SDK2: variants seen among roughly 807,000 people sequenced by gnomAD.
SDK2 encodes the protein protein sidekick-2.
A neutral mutation model predicts 253.9 loss-of-function variants in SDK2; 105 were observed. The ratio of observed to expected loss-of-function variants is 0.41; its 90% CI spans 0.35 to 0.49. The LOEUF is 0.49. SDK2 is among the 20% of genes least tolerant of loss of function. The pLI is 0.06. For synonymous variants in SDK2, 1,249 were observed against 1,234.9 expected, an observed-to-expected ratio of 1.01 and a Z score of -0.24; for missense variants, 2,608 against 3,003.0, an observed-to-expected ratio of 0.87 and a Z score of 3.07.
In SDK2 at chr17:73,612,600, C is replaced by T. The variant is rs1299714154; in HGVS notation, c.64+31425G>A. Among the ~76,000 whole-genome samples the T allele has an allele frequency of 6.6e-6, 1 of 151,998 alleles. No individual in the cohort carries two copies. Among genetic ancestry groups the T allele is most frequent in the East Asian group, 1.9e-4 (1 of 5,184 alleles). On this transcript the variant is annotated intron_variant, in intron 1 of 44. Transcript: ENST00000392650. This position sits in a 1 kb window ranked among gnomAD's most constrained non-coding sequence, Gnocchi z 4.4. ...TTGGGGGCGGTGGCAAAATGAGAAG[C>T]CCAGAGAGCCAAATAATAATAATAA...
At position 73,361,552 on chromosome 17, in the gene SDK2, C is replaced by T. The variant is rs2062640320; in HGVS notation, c.5467+132G>A. ...AGCGGGGGGAGGGGTCACTGGGCACCAGGGGAAAGAGTGAGCTCTGTCCTC... is the reference window on the plus strand; with the variant it reads ...AGCGGGGGGAGGGGTCACTGGGCACTAGGGGAAAGAGTGAGCTCTGTCCTC... On this transcript the variant is annotated intron_variant, in intron 39 of 44. Transcript: ENST00000392650. This position sits in a 1 kb window ranked among gnomAD's most constrained non-coding sequence, Gnocchi z 4.1. 1.2e-6 allele frequency: 1 copy of T among 868,688 alleles called. No homozygotes were observed. Among genetic ancestry groups the T allele is most frequent in the Non-Finnish European group, 1.7e-6 (1 of 579,524 alleles). The allele number at this position is 868,688 out of a possible 1,614,324, so 53.8% of individuals were successfully genotyped here.
At chr17:73,351,253 G>T (rs1420238744) in intron 41 of SDK2, among the ~76,000 whole-genome samples, 2 of 152,016 alleles carry the variant, frequency 1.3e-5, no homozygotes, top group Non-Finnish European at 2.9e-5. Context: ...GGGATTACAG[G>T]TACCTGCCAC....
At chr17:73,523,695 C>A (rs935070476) in intron 1 of SDK2, among the ~76,000 whole-genome samples, 2 of 152,078 alleles carry the variant, frequency 1.3e-5, no homozygotes, top group Non-Finnish European at 2.9e-5. Context: ...AACTGCGCGA[C>A]AAGAAATTTC....
chr17:73,446,335 T>C (rs2063452910), intron 5 of SDK2, among the ~76,000 whole-genome samples: 1 of 152,136 alleles, frequency 6.6e-6, no homozygotes, highest in South Asian at 2.1e-4. Flanking sequence ...AGACCCTGAC[T>C]CGATGTCAGA....
chr17:73,350,455 T>C (rs2062527152), intron 42 of SDK2, 80 bp from the exon 43 acceptor site: 1 of 1,526,030 alleles, frequency 6.6e-7, no homozygotes, highest in Non-Finnish European at 8.8e-7. Context: ...GGCTGGGTTA[T>C]CCCCTCTTTC....
At chr17:73,575,066 GC>G (rs1404563787) in intron 1 of SDK2, among the ~76,000 whole-genome samples, 1 of 152,206 alleles carries the variant, frequency 6.6e-6, no homozygotes, top group Non-Finnish European at 1.5e-5. Context: ...TTAGTGGGAG[GC>G]TGGGCTCTGC....
In SDK2 at chr17:73,447,776, C is replaced by G. The variant is rs2063464142; in HGVS notation, c.480-28G>C. On this transcript the variant is annotated intron_variant, in intron 4 of 44. Coordinates refer to ENST00000392650, the MANE Select transcript of SDK2 (RefSeq NM_001144952.2). This position sits in a 1 kb window ranked among gnomAD's most constrained non-coding sequence, Gnocchi z 4.0. ...GGGAAGAGGAAAAGGATTCCTCTGA[C>G]AGGGGCCTAAGGGGCTCTGAACCTC... 1 of 1,551,496 alleles carries G rather than the reference C, an allele frequency of 6.4e-7. No homozygotes were observed. The highest frequency in any genetic ancestry group is 8.7e-7 in the Non-Finnish European group (1 of 1,146,892).
intron 2 of SDK2, among the ~76,000 whole-genome samples, chr17:73,479,223 C>T (rs895210442): frequency 8.5e-5 from 13 of 152,270 alleles, no homozygotes; most frequent in African/African-American, 3.1e-4. Context: ...GAGGCCAACA[C>T]AGGTTCCAGG....
chr17:73,510,109 C>T (rs904972789), intron 1 of SDK2, among the ~76,000 whole-genome samples: 2 of 151,794 alleles, frequency 1.3e-5, no homozygotes, highest in African/African-American at 2.4e-5. Flanking sequence ...GCCCAGGACC[C>T]AGGTCTATCC....
At chr17:73,500,501 A>C in intron 2 of SDK2, among the ~76,000 whole-genome samples, 1 of 128,480 alleles carries the variant, frequency 7.8e-6, no homozygotes, top group African/African-American at 3.1e-5. Flanking sequence ...TCCTTTGTCC[A>C]TCTTCCTTCT....
chr17:73,350,807 C>A lies in SDK2; in HGVS notation c.5759-17G>T. ...CTTTCTGGGCTGGAGCACAGATAGT[C>A]AGGTATATAGGGTGCTCAGCCCCCT... On this transcript the variant is annotated splice_polypyrimidine_tract_variant and intron_variant, in intron 41 of 44. Transcript: ENST00000392650. 6.2e-7 allele frequency: 1 copy of A among 1,601,164 alleles called. No individual in the cohort carries two copies. The highest frequency in any genetic ancestry group is 1.1e-5 in the South Asian group (1 of 89,686).
At position 73,435,587 on chromosome 17, in the gene SDK2, T is replaced by C; in HGVS notation, c.1058A>G (p.Lys353Arg). 1 of 1,581,332 alleles carries C rather than the reference T, an allele frequency of 6.3e-7. No homozygotes were observed. The highest frequency in any genetic ancestry group is 8.6e-7 in the Non-Finnish European group (1 of 1,163,714). Residue 353 changes from lysine (K) to arginine (R), a missense_variant, in exon 9 of 45, where the codon AAG becomes AGG. Coordinates refer to ENST00000392650, the MANE Select transcript of SDK2 (RefSeq NM_001144952.2). The surrounding 1 kb of genome is among the most constrained non-coding windows in gnomAD (Gnocchi z 5.7). The part of the protein sequence containing the change: ...YKDAAVVEVE[K>R]LTRFRQRNDG... The stretch of plus-strand genomic sequence containing the variant: ...GTTGCGCTGCCGGAAGCGGGTCAAC[T>C]TCTCCACCTCCACCACGGCTGCGTC...
intron 2 of SDK2, among the ~76,000 whole-genome samples, chr17:73,494,009 C>A (rs1567804924): frequency 6.6e-6 from 1 of 152,226 alleles, no homozygotes; most frequent in Non-Finnish European, 1.5e-5. Context: ...GAGGTGAGGA[C>A]AGAACATGTG....
intron 1 of SDK2, among the ~76,000 whole-genome samples, chr17:73,625,576 A>G (rs778172749): frequency 6.6e-6 from 1 of 152,226 alleles, no homozygotes; most frequent in Non-Finnish European, 1.5e-5. Context: ...CCCTTGGTGT[A>G]ATATTTCTCC....
chr17:73,348,763 C>T lies in SDK2; in HGVS notation c.6039-38G>A, dbSNP rs2062508505. The T allele has an allele frequency of 3.8e-6, 6 of 1,585,046 alleles. No homozygotes were observed. In the African/African-American group the frequency reaches 5.4e-5, roughly 14 times the overall value. Reference sequence around the variant, plus strand: ...GGGGAGTGGGGCCGAGAGGTGCACTCACTCAGAGCGGCCTCCCCTGGCCTA... The same window carrying T: ...GGGGAGTGGGGCCGAGAGGTGCACTTACTCAGAGCGGCCTCCCCTGGCCTA... On this transcript the variant is annotated intron_variant, in intron 43 of 44. Transcript: ENST00000392650.
At chr17:73,565,389 A>T (rs749470938) in intron 1 of SDK2, among the ~76,000 whole-genome samples, 16 of 152,208 alleles carry the variant, frequency 1.1e-4, no homozygotes, top group Non-Finnish European at 1.9e-4. Flanking sequence ...CAGGGAAGTT[A>T]CCTGTTTGCT....
At chr17:73,526,356 GGA>G (rs1217030074) in intron 1 of SDK2, among the ~76,000 whole-genome samples, 22 of 152,306 alleles carry the variant, frequency 1.4e-4, no homozygotes, top group African/African-American at 5.3e-4. Context: ...TTGCCAATTA[GGA>G]CCTGCATGAC....
At chr17:73,480,547 G>A (rs1174273217) in intron 2 of SDK2, among the ~76,000 whole-genome samples, 4 of 152,260 alleles carry the variant, frequency 2.6e-5, no homozygotes, top group Admixed American at 1.3e-4. Flanking sequence ...TCACCTGTTC[G>A]GTATGATCAA....
chr17:73,450,440 G>A (rs1342446774), intron 4 of SDK2, among the ~76,000 whole-genome samples: 1 of 152,150 alleles, frequency 6.6e-6, no homozygotes, highest in Non-Finnish European at 1.5e-5. Flanking sequence ...GGGCTGACAG[G>A]ATTTTCATGA....
Sources: allele counts gnomAD v4.1 joint callset (sites outside exome capture counted in the v4.1 genomes callset), GRCh38; gene constraint gnomAD v4.1.1; non-coding constraint Gnocchi (gnomAD v3.1); transcripts MANE v1.5; gene names NCBI Gene and HGNC (gene_info 2026-07-23, HGNC 2026-07-21).